Variants in GALK2 observed in about 807,000 individuals in gnomAD.
GALK2 encodes galactokinase 2.
GALK2 carries 36 observed loss-of-function variants against 52.4 expected under a neutral mutation model. That is an observed-to-expected ratio of 0.69 (90% CI 0.53 to 0.91). GALK2 has a LOEUF of 0.91. GALK2 is among the 40% of genes least tolerant of loss of function. The pLI is 0.00. For missense variants in GALK2, 579 were observed against 559.1 expected, an observed-to-expected ratio of 1.04 and a Z score of -0.36; for synonymous variants, 176 against 199.1, an observed-to-expected ratio of 0.88 and a Z score of 0.98.
chr15:49,168,440 T>C (rs1326784940), upstream of GALK2, among the ~76,000 whole-genome samples: 3 of 152,216 alleles, frequency 2.0e-5, no homozygotes, highest in Non-Finnish European at 4.4e-5. Flanking sequence ...GATTCTGGGC[T>C]GGGCACGGTG....
At chr15:49,345,009 A>G (rs138505213) in intron 3 of GALK2, among the ~76,000 whole-genome samples, 29 of 152,318 alleles carry the variant, frequency 1.9e-4, no homozygotes, top group African/African-American at 6.0e-4. Flanking sequence ...CTTTATTTGC[A>G]TACAGCTATT....
At chr15:49,283,485 C>G (rs2032984320) in intron 6 of GALK2, 81 bp from the exon 7 acceptor site, 15 of 1,276,246 alleles carry the variant, frequency 1.2e-5, no homozygotes, top group Non-Finnish European at 1.5e-5. Flanking sequence ...TGACAAAACA[C>G]TTTAAGATAA....
intron 2 of GALK2, 70 bp from the exon 3 acceptor site, chr15:49,217,120 T>G (rs2089442461): frequency 7.1e-7 from 1 of 1,414,198 alleles, no homozygotes; most frequent in African/African-American, 1.4e-5. Flanking sequence ...TTTTCCTGTA[T>G]GTAAACTTTC....
At chr15:49,290,227 C>A (rs16962301) in intron 7 of GALK2, among the ~76,000 whole-genome samples, 2,612 of 152,288 alleles carry the variant, frequency 0.017, 96 homozygotes, top group African/African-American at 0.06. Context: ...GTTTTTCAAG[C>A]CAAATTTCAA....
intron 5 of GALK2, among the ~76,000 whole-genome samples, chr15:49,280,416 A>G (rs2032517557): frequency 6.6e-6 from 1 of 152,144 alleles, no homozygotes; most frequent in African/African-American, 2.4e-5. Context: ...TGTAAAGACA[A>G]TGAGATGTGA....
intron 2 of GALK2, among the ~76,000 whole-genome samples, chr15:49,210,777 C>T (rs533010547): frequency 1.5e-4 from 23 of 152,020 alleles, no homozygotes; most frequent in Non-Finnish European, 2.5e-4. Context: ...GATGTAGTCT[C>T]GCCCTGTTGC....
intron 3 of GALK2, among the ~76,000 whole-genome samples, chr15:49,340,854 A>G (rs1201293161): frequency 6.6e-6 from 1 of 152,176 alleles, no homozygotes; most frequent in Non-Finnish European, 1.5e-5. Flanking sequence ...AATGTACAGA[A>G]TGGTGTTTTC....
chr15:49,300,542 C>T (rs2035021487), intron 8 of GALK2, among the ~76,000 whole-genome samples: 1 of 151,960 alleles, frequency 6.6e-6, no homozygotes, highest in Non-Finnish European at 1.5e-5. Context: ...TATGGTTTGG[C>T]TGTGTCCCCA....
intron 7 of GALK2, among the ~76,000 whole-genome samples, chr15:49,290,155 CTCTG>C (rs2033794384): frequency 6.6e-6 from 1 of 152,214 alleles, no homozygotes; most frequent in African/African-American, 2.4e-5. Context: ...CTCCATGAAG[CTCTG>C]TCTTTGAACA....
chr15:49,327,752 T>G, intron 9 of GALK2, 200 bp from the exon 10 acceptor site: 1 of 474,514 alleles, frequency 2.1e-6, no homozygotes, highest in Non-Finnish European at 3.7e-6. Context: ...AGGGACTAGA[T>G]TTAGATACAA....
intron 2 of GALK2, 130 bp downstream of exon 2, chr15:49,201,380 G>A: frequency 1.8e-6 from 1 of 548,530 alleles, no homozygotes; most frequent in South Asian, 2.6e-5. Flanking sequence ...ATAGTAAGAT[G>A]TGCCTTTGCA....
chr15:49,220,438 A>G lies in GALK2; in HGVS notation c.266+3125A>G, dbSNP rs576758401. ...GATTTTATTTTTTTTATGGCTGAGT[A>G]GTATTCCATTGTGTATATATACATT... On this transcript the variant is annotated intron_variant, in intron 3 of 9. Transcript: ENST00000560031. Among the ~76,000 whole-genome samples, 53 of 152,198 alleles carry G rather than the reference A, an allele frequency of 3.5e-4. No individual in the cohort carries two copies. In the South Asian group the frequency reaches 7.5e-3, roughly 21 times the overall value.
chr15:49,353,413 CCAT>C (rs1366509410), intron 3 of GALK2: 1 of 152,132 alleles, frequency 6.6e-6, no homozygotes, highest in East Asian at 1.9e-4. Flanking sequence ...TATCAATTCT[CCAT>C]CATATTTTGG....
At position 49,251,400 on chromosome 15, in the gene GALK2, C is replaced by G. The variant is rs191713326; in HGVS notation, c.504+12033C>G. On this transcript the variant is annotated intron_variant, in intron 5 of 9. Coordinates refer to ENST00000560031, the MANE Select transcript of GALK2 (RefSeq NM_002044.4). The stretch of plus-strand genomic sequence containing the variant: ...AAACTCTTAGCAAATTAGTAGAATT[C>G]AGTATAATGACTGCCTTTGGGAATT... 2.5e-3 allele frequency among the ~76,000 whole-genome samples: 381 copies of G among 152,150 alleles called. 3 individuals carry two copies. Among genetic ancestry groups the G allele is most frequent in the African/African-American group, 8.6e-3 (358 of 41,514 alleles).
chr15:49,276,155 A>T (rs998098936), intron 5 of GALK2, among the ~76,000 whole-genome samples: 1 of 152,210 alleles, frequency 6.6e-6, no homozygotes, highest in Non-Finnish European at 1.5e-5. Context: ...GAAAGAAGGG[A>T]TAGAGAGCAA....
intron 1 of GALK2, among the ~76,000 whole-genome samples, chr15:49,190,363 C>A (rs572198513): frequency 3.0e-4 from 46 of 152,138 alleles, no homozygotes; most frequent in African/African-American, 1.1e-3. Flanking sequence ...TTAATGTTTT[C>A]AATTTTTTTT....
intron 2 of GALK2, among the ~76,000 whole-genome samples, chr15:49,206,633 G>A (rs1384114353): frequency 6.6e-6 from 1 of 151,860 alleles, no homozygotes. Flanking sequence ...TTCTTCATTT[G>A]ATTCTCTGGT....
intron 8 of GALK2, among the ~76,000 whole-genome samples, chr15:49,318,617 T>C (rs990288430): frequency 7.2e-5 from 11 of 152,164 alleles, no homozygotes; most frequent in East Asian, 3.8e-4. Context: ...TCTTCTATGA[T>C]AAATAATGCT....
chr15:49,220,353 A>G (rs1460705648), intron 3 of GALK2, among the ~76,000 whole-genome samples: 1 of 152,092 alleles, frequency 6.6e-6, no homozygotes, highest in East Asian at 1.9e-4. Flanking sequence ...ATGAGTGAGA[A>G]TATCTGATGT....
Sources: allele counts gnomAD v4.1 joint callset (sites outside exome capture counted in the v4.1 genomes callset), GRCh38; gene constraint gnomAD v4.1.1; transcripts MANE v1.5; gene names NCBI Gene and HGNC (gene_info 2026-07-23, HGNC 2026-07-21).